Variants in NSUN2 observed in about 807,000 individuals in gnomAD.
NSUN2 encodes the protein RNA cytosine C(5)-methyltransferase NSUN2.
In NSUN2, 63 loss-of-function variants were observed where a neutral mutation model predicts 92.7. That is an observed-to-expected ratio of 0.68 (90% CI 0.56 to 0.84). The LOEUF (loss-of-function observed/expected upper bound fraction) is 0.84. NSUN2 is among the 40% of genes least tolerant of loss of function. The pLI is 0.00. For missense variants in NSUN2, 989 were observed against 964.9 expected (o/e 1.02, Z -0.33); for synonymous variants, 356 against 348.3 (o/e 1.02, Z -0.25).
intron 14 of NSUN2, among the ~76,000 whole-genome samples, chr5:6,606,580 C>T (rs927136142): frequency 5.9e-5 from 9 of 151,936 alleles, no homozygotes; most frequent in Non-Finnish European, 8.8e-5. Context: ...CCACCGCGCC[C>T]GGTCCAGTTT....
intron 3 of NSUN2, among the ~76,000 whole-genome samples, chr5:6,626,164 A>C (rs1346677866): frequency 6.6e-6 from 1 of 152,156 alleles, no homozygotes; most frequent in East Asian, 1.9e-4. Context: ...AATGCACTAA[A>C]ATATTTTACA....
chr5:6,619,785 A>G lies in NSUN2; in HGVS notation c.815+321T>C, dbSNP rs114848519. On this transcript the variant is annotated intron_variant, in intron 7 of 18. Coordinates refer to ENST00000264670, the MANE Select transcript of NSUN2 (RefSeq NM_017755.6). The stretch of plus-strand genomic sequence containing the variant: ...TGGGGTGCACAAATTGTTCCAAGCA[A>G]TAACATCCTAAAACACACCACAATA... Among the ~76,000 whole-genome samples, 1,383 of 152,186 alleles carry G rather than the reference A, an allele frequency of 9.1e-3. 18 individuals are homozygous for G. The highest frequency in any genetic ancestry group is 0.032 in the African/African-American group (1,307 of 41,398).
Position 6,606,837 on chromosome 5 carries a change from TG to T in NSUN2, c.1583del (p.Pro528HisfsTer19), listed in dbSNP as rs2126475291. The T allele has an allele frequency of 1.3e-6, 2 of 1,576,534 alleles. No individual in the cohort carries two copies. Among genetic ancestry groups the T allele is most frequent in the East Asian group, 4.5e-5 (2 of 44,696 alleles). On this transcript the variant is annotated frameshift_variant, in exon 14 of 19. Transcript: ENST00000264670. LOFTEE classifies it high-confidence loss of function. ...ATCCTTACTCAATAGGTGGAAATAATGGGTCATCTTCAGGAATAAATACAAA... is the reference window on the plus strand; with the variant it reads ...ATCCTTACTCAATAGGTGGAAATAATGGTCATCTTCAGGAATAAATACAAA... Reference protein sequence around the residue: ...DPFVFIPEDDPLFPPIEKFYA... With the variant: ...DPFVFIPEDDXLFPPIEKFYA...
chr5:6,633,040 C>A lies in NSUN2; in HGVS notation c.-61G>T. The stretch of plus-strand genomic sequence containing the variant: ...GGCCCGCCACGGCCAGAACTCTAGC[C>A]CTACACCTCCCGGGACTTCCGGCCG... On this transcript the variant is annotated 5_prime_UTR_variant, in exon 1 of 19. Transcript: ENST00000264670. 1 of 1,370,316 alleles carries A rather than the reference C, an allele frequency of 7.3e-7. No individual in the cohort carries two copies. 84.9% of individuals were successfully genotyped at this position (1,370,316 alleles called of 1,614,324 possible).
chr5:6,632,494 G>T (rs1242923700), intron 2 of NSUN2, 105 bp downstream of exon 2: 2 of 1,346,036 alleles, frequency 1.5e-6, no homozygotes, highest in Admixed American at 2.1e-5. Context: ...CCGCTGAAAC[G>T]CCACGGTTCT....
rs757742540 is a variant in NSUN2, at chr5:6,606,879, T to C, written c.1542A>G (p.Gly514=). 1 of 1,594,764 alleles carries C rather than the reference T, an allele frequency of 6.3e-7. No homozygotes were observed. Among genetic ancestry groups the C allele is most frequent in the Non-Finnish European group, 8.6e-7 (1 of 1,162,900 alleles). Residue 514 remains glycine, a synonymous_variant, in exon 14 of 19, where the codon GGA becomes GGG. Transcript: ENST00000264670. Reference sequence around the variant, plus strand: ...TAAATACAAATGGATCTTCTTTAAATCCAAATAACTTCATTTTCTTTGATG... The same window carrying C: ...TAAATACAAATGGATCTTCTTTAAACCCAAATAACTTCATTTTCTTTGATG... The part of the protein sequence containing the change: ...PPPSKKMKLF[G]FKEDPFVFIP...
chr5:6,601,109 G>A (rs1736535317), intron 18 of NSUN2, among the ~76,000 whole-genome samples: 1 of 151,598 alleles, frequency 6.6e-6, no homozygotes, highest in South Asian at 2.1e-4. Flanking sequence ...GGGGCACAAA[G>A]GTGGTTTTAA....
chr5:6,617,752 T>G (rs1294973675), intron 8 of NSUN2, among the ~76,000 whole-genome samples, 198 bp downstream of exon 8: 1 of 152,274 alleles, frequency 6.6e-6, no homozygotes, highest in African/African-American at 2.4e-5. Context: ...AAACGTGTTA[T>G]CTGAAATGTA....
chr5:6,615,937 G>GT (rs1737190427), intron 9 of NSUN2, among the ~76,000 whole-genome samples: 1 of 152,222 alleles, frequency 6.6e-6, no homozygotes, highest in South Asian at 2.1e-4. Flanking sequence ...GTATAAAACT[G>GT]TATGAGGTGA....
At chr5:6,601,809 T>C (rs572053089) in intron 18 of NSUN2, among the ~76,000 whole-genome samples, 1 of 152,116 alleles carries the variant, frequency 6.6e-6, no homozygotes, top group Admixed American at 6.6e-5. Context: ...CTCTCAGAAA[T>C]GGTGTTGCAT....
At chr5:6,606,346 C>T (rs1302180673) in intron 14 of NSUN2, among the ~76,000 whole-genome samples, 3 of 152,176 alleles carry the variant, frequency 2.0e-5, no homozygotes, top group African/African-American at 4.8e-5. Flanking sequence ...TGCAGCGGCG[C>T]GATCTCGGCT....
At chr5:6,625,708 T>C (rs777522502) in intron 3 of NSUN2, 39 bp from the exon 4 acceptor site, 1 of 1,458,474 alleles carries the variant, frequency 6.9e-7, no homozygotes, top group Non-Finnish European at 9.6e-7. Context: ...GGATTATAAA[T>C]ACTAAAGTCG....
Position 6,604,171 on chromosome 5 carries a change from T to C in NSUN2, c.1924A>G (p.Ser642Gly). 6.2e-7 allele frequency: 1 copy of C among 1,614,010 alleles called. No individual in the cohort carries two copies. Among genetic ancestry groups the C allele is most frequent in the South Asian group, 1.1e-5 (1 of 91,066 alleles). The change falls in exon 17 of 19, where the codon AGC becomes GGC. Residue 642 changes from serine (S) to glycine (G), a missense_variant. Coordinates refer to ENST00000264670, the MANE Select transcript of NSUN2 (RefSeq NM_017755.6). The stretch of plus-strand genomic sequence containing the variant: ...TTTGCTTGACTGTAGGTCTCACTGC[T>C]GAGTTTTCTAAAAAAGGGATTTTCC... Reference protein sequence around the residue: ...TQENPFFRKLSSETYSQAKDL... With the variant: ...TQENPFFRKLGSETYSQAKDL...
chr5:6,605,759 G>A (rs1463186988), intron 14 of NSUN2, among the ~76,000 whole-genome samples: 1 of 151,098 alleles, frequency 6.6e-6, no homozygotes, highest in African/African-American at 2.4e-5. Context: ...GTGCAGTGGC[G>A]CAGTCTCAGC....
chr5:6,603,324 ACT>A (rs1736629256), intron 17 of NSUN2, among the ~76,000 whole-genome samples: 1 of 152,146 alleles, frequency 6.6e-6, no homozygotes, highest in Non-Finnish European at 1.5e-5. Context: ...TGCTGGCAAG[ACT>A]CTTATTTTGC....
At position 6,632,087 on chromosome 5, in the gene NSUN2, T is replaced by C. The variant is rs565839658; in HGVS notation, c.255-110A>G. 4.3e-5 allele frequency: 35 copies of C among 809,190 alleles called. 1 individual carries two copies. The East Asian group carries it at 5.3e-4, about 12-fold the overall frequency. The allele number at this position is 809,190 out of a possible 1,614,324, so 50.1% of individuals were successfully genotyped here. ...TTTAAAACTAAAACCAACTTTTGCATGGAGAGTAAACATTCTTTAGTCACT... is the reference window on the plus strand; with the variant it reads ...TTTAAAACTAAAACCAACTTTTGCACGGAGAGTAAACATTCTTTAGTCACT... On this transcript the variant is annotated intron_variant, in intron 2 of 18. Coordinates refer to ENST00000264670, the MANE Select transcript of NSUN2 (RefSeq NM_017755.6).
intron 3 of NSUN2, among the ~76,000 whole-genome samples, chr5:6,631,155 G>C (rs993303443): frequency 3.3e-5 from 5 of 152,170 alleles, no homozygotes; most frequent in Admixed American, 3.3e-4. Context: ...TTACTTTTCT[G>C]AGAACTCAAT....
intron 15 of NSUN2, chr5:6,605,040 G>A (rs540259521): frequency 1.1e-5 from 7 of 617,582 alleles, no homozygotes; most frequent in East Asian, 5.6e-5. Flanking sequence ...ACCCCCCTGC[G>A]GGAATGGGGC....
In NSUN2 at chr5:6,614,124, C is replaced by CCACCCACCT. The variant is rs1737118520; in HGVS notation, c.1022-2327_1022-2326insAGGTGGGTG. On this transcript the variant is annotated intron_variant, in intron 9 of 18. Coordinates refer to ENST00000264670, the MANE Select transcript of NSUN2 (RefSeq NM_017755.6). ...AAAAAAAAAAAAAAAAAAAAAAAACCCACAACACACACATATAGACAGACA... is the reference window on the plus strand; with the variant it reads ...AAAAAAAAAAAAAAAAAAAAAAAACCCACCCACCTCACAACACACACATATAGACAGACA... Among the ~76,000 whole-genome samples, 22 of 73,182 alleles carry CCACCCACCT rather than the reference C, an allele frequency of 3.0e-4. 4 individuals carry two copies. Among genetic ancestry groups the CCACCCACCT allele is most frequent in the South Asian group, 9.2e-4 (2 of 2,170 alleles). 48.0% of individuals were successfully genotyped at this position (73,182 alleles called of 152,430 possible).
Sources: gnomAD v4.1 joint callset for allele counts (sites outside exome capture counted in the v4.1 genomes callset) on GRCh38, gnomAD v4.1.1 for gene constraint, MANE v1.5 for transcripts, NCBI Gene and HGNC (gene_info 2026-07-23, HGNC 2026-07-21) for gene names.